The following CFAP46 variants were observed in gnomAD, a reference collection of about 807,000 sequenced individuals.
CFAP46 encodes cilia and flagella associated protein 46.
A neutral mutation model predicts 325.7 loss-of-function variants in CFAP46; 245 were observed. The observed-to-expected ratio is 0.75, with a 90% CI of 0.68 to 0.84. The LOEUF (loss-of-function observed/expected upper bound fraction) is 0.84. CFAP46 is among the 40% of genes least tolerant of loss of function. The probability of loss-of-function intolerance (pLI) is 0.00; values close to 1 mark genes in which losing one functional copy is unlikely to be tolerated. For synonymous variants in CFAP46, 1,523 were observed against 1,495.9 expected (o/e 1.02, Z -0.42); for missense variants, 3,346 against 3,543.0 (o/e 0.94, Z 1.41).
intron 8 of CFAP46, among the ~76,000 whole-genome samples, chr10:132,934,336 G>C (rs1849959246): frequency 7.7e-6 from 1 of 129,796 alleles, no homozygotes. Context: ...TCAGCTTCCT[G>C]CTTCCAGGAT....
intron 39 of CFAP46, among the ~76,000 whole-genome samples, chr10:132,854,463 G>A (rs1203767075): frequency 2.0e-5 from 3 of 151,940 alleles, no homozygotes; most frequent in Admixed American, 1.3e-4. Context: ...TCAGCCTCCC[G>A]AGTAGCTGGG....
chr10:132,840,326 G>A (rs1210362288), intron 44 of CFAP46, among the ~76,000 whole-genome samples: 1 of 152,136 alleles, frequency 6.6e-6, no homozygotes, highest in Non-Finnish European at 1.5e-5. Flanking sequence ...TACTGATACT[G>A]GAAACTTGCC....
At chr10:132,938,935 A>T (rs1850056679) in intron 4 of CFAP46, among the ~76,000 whole-genome samples, 182 bp from the exon 5 acceptor site, 1 of 152,138 alleles carries the variant, frequency 6.6e-6, no homozygotes, top group Non-Finnish European at 1.5e-5. Context: ...CAGGATGCAG[A>T]GCCCTTCCCT....
chr10:132,823,737 CTG>C (rs557100246), intron 50 of CFAP46, among the ~76,000 whole-genome samples: 3 of 78,342 alleles, frequency 3.8e-5, no homozygotes, highest in Admixed American at 1.3e-4. Context: ...CTGATGTGTG[CTG>C]TGTGCGCTGA....
chr10:132,853,016 T>C (rs1848584154), intron 39 of CFAP46, among the ~76,000 whole-genome samples: 1 of 152,218 alleles, frequency 6.6e-6, no homozygotes. Flanking sequence ...TTTCATTCCT[T>C]CCTTTCCAAT....
In CFAP46 at chr10:132,827,130, C is replaced by G. The variant is rs1459788667; in HGVS notation, c.7117+6228G>C. ...CCCGGCACTCCCACCCTCTCCACAG[C>G]CTGAGCCCCACCCAGTCCTGGGCCA... On this transcript the variant is annotated intron_variant, in intron 50 of 57. Transcript: ENST00000368586. The surrounding 1 kb of genome is among the most constrained non-coding windows in gnomAD (Gnocchi z 5.7). 6.6e-6 allele frequency among the ~76,000 whole-genome samples: 1 copy of G among 152,180 alleles called. No homozygotes were observed. The highest frequency in any genetic ancestry group is 1.5e-5 in the Non-Finnish European group (1 of 68,026).
At chr10:132,841,349 T>C (rs1396285914) in intron 44 of CFAP46, among the ~76,000 whole-genome samples, 1 of 152,268 alleles carries the variant, frequency 6.6e-6, no homozygotes, top group Non-Finnish European at 1.5e-5. Context: ...GATGTGATCC[T>C]GAATTCAGGG....
rs181715094 is a variant in CFAP46, at chr10:132,854,430, C to T, written c.5575-3125G>A. On this transcript the variant is annotated intron_variant, in intron 39 of 57. Transcript: ENST00000368586. ...CCACTCACTGCAAGCTCTTCCCCCCCAGGTTCACGCCATTCTCCTGCCTCA... is the reference window on the plus strand; with the variant it reads ...CCACTCACTGCAAGCTCTTCCCCCCTAGGTTCACGCCATTCTCCTGCCTCA... 1.6e-3 allele frequency among the ~76,000 whole-genome samples: 246 copies of T among 152,300 alleles called. 1 individual carries two copies. The highest frequency in any genetic ancestry group is 5.7e-3 in the African/African-American group (238 of 41,572).
At position 132,815,649 on chromosome 10, in the gene CFAP46, C is replaced by T. The variant is rs186629932; in HGVS notation, c.7118-735G>A. ...TTTAAGGTTAAACTGGGGCCCGGCA[C>T]GTGGCTTATGCCTGTAATCCCAGTG... On this transcript the variant is annotated intron_variant, in intron 50 of 57. Transcript: ENST00000368586. Among the ~76,000 whole-genome samples the T allele has an allele frequency of 7.2e-5, 11 of 152,266 alleles. No individual in the cohort carries two copies. The East Asian group carries it at 1.2e-3, about 16-fold the overall frequency.
At chr10:132,913,971 C>T (rs192109148) in intron 17 of CFAP46, among the ~76,000 whole-genome samples, 125 of 152,272 alleles carry the variant, frequency 8.2e-4, no homozygotes, top group African/African-American at 2.4e-3. Flanking sequence ...CCCGTGGCCA[C>T]GAGTGCTCAC....
Position 132,878,049 on chromosome 10 carries a change from G to C in CFAP46, c.4044C>G (p.Asn1348Lys). ...LMTAGKSVLE[N>K]RPLAATSSHL... ...GTGAGCTGGTTGCTGCCAGGGGTCT[G>C]TTTTCCAGAACTGATTTTCCTGCTG... Residue 1348 changes from asparagine to lysine, a missense_variant, in exon 30 of 58, where the codon AAC becomes AAG. Asn to Lys is a moderately conservative substitution (Grantham distance 94). Transcript: ENST00000368586. 6.5e-7 allele frequency: 1 copy of C among 1,548,564 alleles called. No homozygotes were observed.
At chr10:132,878,226 G>A (rs113893547) in intron 29 of CFAP46, 139 bp from the exon 30 acceptor site, 23,124 of 803,380 alleles carry the variant, frequency 0.029, 1,128 homozygotes, top group African/African-American at 0.17. Context: ...TTGCGTCCCC[G>A]TCAGCTGCCA....
chr10:132,838,941 C>T (rs1302301235), intron 44 of CFAP46, among the ~76,000 whole-genome samples: 1 of 152,242 alleles, frequency 6.6e-6, no homozygotes, highest in East Asian at 1.9e-4. Flanking sequence ...TTATCTGCGT[C>T]AGGCTTCAAT....
At chr10:132,930,457 T>C (rs879530906) in intron 8 of CFAP46, among the ~76,000 whole-genome samples, 498 of 59,882 alleles carry the variant, frequency 8.3e-3, no homozygotes, top group Middle Eastern at 0.016. Flanking sequence ...CCCCACACTC[T>C]CCACACAGAG....
At chr10:132,872,972 G>C in intron 31 of CFAP46, 148 bp from the exon 32 acceptor site, 2 of 823,844 alleles carry the variant, frequency 2.4e-6, no homozygotes, top group South Asian at 3.6e-5. Context: ...CACACAGCAG[G>C]TGCTCAGTGC....
At chr10:132,837,189 A>G (rs1284082198) in intron 44 of CFAP46, 2 of 455,650 alleles carry the variant, frequency 4.4e-6, no homozygotes, top group African/African-American at 4.0e-5. Context: ...GCATGACGCA[A>G]AGTGCATGTT....
chr10:132,903,267 C>T (rs1205284773), intron 22 of CFAP46, among the ~76,000 whole-genome samples: 1 of 152,232 alleles, frequency 6.6e-6, no homozygotes, highest in African/African-American at 2.4e-5. Context: ...CCCCTCCATC[C>T]CTGTTTTCTG....
At chr10:132,831,220 C>CTGTGTGTGTGTGTGTGTGTGTGTG (rs56965336) in intron 50 of CFAP46, among the ~76,000 whole-genome samples, 146 of 148,196 alleles carry the variant, frequency 9.9e-4, no homozygotes, top group Middle Eastern at 6.8e-3. Context: ...GTCAAATGTT[C>CTGTGTGTGTGTGTGTGTGTGTGTG]TGTGTGTGTG....
Position 132,830,509 on chromosome 10 carries a change from C to CA in CFAP46, c.7117+2848dup, listed in dbSNP as rs538092845. On this transcript the variant is annotated intron_variant, in intron 50 of 57. Coordinates refer to ENST00000368586, the MANE Select transcript of CFAP46 (RefSeq NM_001200049.3). ...TTACTTTAATAGATACAGGCATATC[C>CA]AGGTCATCCCTTTCTTCTTGAGCGA... Among the ~76,000 whole-genome samples the CA allele has an allele frequency of 1.0e-3, 154 of 152,366 alleles. 1 individual carries two copies. The highest frequency in any genetic ancestry group is 2.3e-3 in the South Asian group (11 of 4,824).
Sources: gnomAD v4.1 joint callset for allele counts (sites outside exome capture counted in the v4.1 genomes callset) on GRCh38, gnomAD v4.1.1 for gene constraint, Gnocchi (gnomAD v3.1) non-coding constraint, MANE v1.5 for transcripts, NCBI Gene and HGNC (gene_info 2026-07-23, HGNC 2026-07-21) for gene names.